RANBP2: variants seen among roughly 807,000 people sequenced by gnomAD.
RANBP2 encodes E3 SUMO-protein ligase RanBP2.
In RANBP2, 57 loss-of-function variants were observed where a neutral mutation model predicts 303.6. The ratio of observed to expected loss-of-function variants is 0.19; its 90% CI spans 0.15 to 0.23. The LOEUF (loss-of-function observed/expected upper bound fraction) is 0.23, where lower values mean the gene tolerates loss of function less well. Ranked by LOEUF, RANBP2 falls within the 10% of genes least tolerant of loss-of-function variation. The pLI, the probability that RANBP2 is intolerant of heterozygous loss-of-function variation, is 1.00. For synonymous variants in RANBP2, 1,167 were observed against 1,301.5 expected (o/e 0.90, Z 2.23); for missense variants, 3,138 against 3,780.8 (o/e 0.83, Z 4.46).
the RANBP2 span, among the ~76,000 whole-genome samples, chr2:108,984,690 G>GT: frequency 0.03 from 4,557 of 150,674 alleles, 207 homozygotes; most frequent in East Asian, 0.096. Flanking sequence ...TAGTTTGTTT[G>GT]TTTTTTTTTC....
chr2:109,500,391 G>GCACACCC, the RANBP2 span, among the ~76,000 whole-genome samples: 1 of 152,144 alleles, frequency 6.6e-6, no homozygotes, highest in Non-Finnish European at 1.5e-5. Context: ...CTGCCACGCA[G>GCACACCC]CACACCCCAT....
the RANBP2 span, among the ~76,000 whole-genome samples, chr2:108,903,699 C>A: frequency 1.3e-5 from 2 of 151,986 alleles, no homozygotes; most frequent in African/African-American, 4.8e-5. Context: ...CATCCATAGA[C>A]AAAAAAATGA....
the RANBP2 span, among the ~76,000 whole-genome samples, chr2:108,831,130 A>G: frequency 5.3e-5 from 8 of 152,000 alleles, no homozygotes; most frequent in African/African-American, 7.2e-5. Flanking sequence ...AGCCAAGATC[A>G]TGCTGCTTAC....
chr2:109,121,111 G>T, the RANBP2 span, among the ~76,000 whole-genome samples: 5 of 152,156 alleles, frequency 3.3e-5, no homozygotes, highest in South Asian at 6.2e-4. Context: ...AGCCGGACAA[G>T]GTGGCAGGCG....
At chr2:108,910,520 A>G in the RANBP2 span, 1 of 1,613,116 alleles carries the variant, frequency 6.2e-7, no homozygotes, top group Admixed American at 1.7e-5. Context: ...CTCGGAGAAC[A>G]TCACCACGTT....
At chr2:109,557,009 C>A in the RANBP2 span, among the ~76,000 whole-genome samples, 1 of 151,832 alleles carries the variant, frequency 6.6e-6, no homozygotes, top group African/African-American at 2.4e-5. Flanking sequence ...CATCACACAC[C>A]GGAGCCTGTT....
At chr2:109,625,251 C>T in the RANBP2 span, among the ~76,000 whole-genome samples, 1 of 151,976 alleles carries the variant, frequency 6.6e-6, no homozygotes, top group Non-Finnish European at 1.5e-5. Flanking sequence ...GTATTTGTTG[C>T]AGCATTGTTT....
chr2:108,888,420 T>G, the RANBP2 span, among the ~76,000 whole-genome samples: 1 of 152,146 alleles, frequency 6.6e-6, no homozygotes, highest in South Asian at 2.1e-4. Flanking sequence ...CTTCAATTTT[T>G]TGGAATAGTT....
chr2:109,072,684 A>G, the RANBP2 span, among the ~76,000 whole-genome samples: 188 of 152,328 alleles, frequency 1.2e-3, no homozygotes, highest in South Asian at 2.1e-3. Flanking sequence ...GACCTTTGCC[A>G]CAGCTCCCCT....
chr2:108,923,686 T>G, the RANBP2 span, among the ~76,000 whole-genome samples: 1 of 152,260 alleles, frequency 6.6e-6, no homozygotes, highest in Non-Finnish European at 1.5e-5. Context: ...TTTCTTTTGA[T>G]CTCAGCCCCT....
chr2:109,275,464 G>A, the RANBP2 span, among the ~76,000 whole-genome samples: 2 of 152,206 alleles, frequency 1.3e-5, no homozygotes, highest in African/African-American at 4.8e-5. Flanking sequence ...GGCCAAGGCA[G>A]CAGCTTAATC....
chr2:109,566,112 AATTT>A, the RANBP2 span, among the ~76,000 whole-genome samples: 4 of 151,838 alleles, frequency 2.6e-5, no homozygotes, highest in East Asian at 1.9e-4. Flanking sequence ...AAACAAAAAA[AATTT>A]ATTTATTTAT....
In RANBP2 at chr2:108,777,274, T is replaced by C. The variant is rs750629732; in HGVS notation, c.8599+43T>C. The C allele has an allele frequency of 5.2e-5, 80 of 1,525,846 alleles. 1 individual carries two copies. The highest frequency in any genetic ancestry group is 7.0e-5 in the Admixed American group (4 of 57,530). 94.5% of individuals were successfully genotyped at this position (1,525,846 alleles called of 1,614,324 possible). On this transcript the variant is annotated intron_variant, in intron 25 of 28. Coordinates refer to ENST00000283195, the MANE Select transcript of RANBP2 (RefSeq NM_006267.5). ...GACTTTTAATGACATTGTTACAGAA[T>C]CAAGCACAACTGAAAAACTAGTTTT...
At chr2:109,447,954 A>T in the RANBP2 span, among the ~76,000 whole-genome samples, 2 of 152,204 alleles carry the variant, frequency 1.3e-5, no homozygotes, top group Non-Finnish European at 2.9e-5. Flanking sequence ...CAGCAAATGC[A>T]GGCAGATGGC....
the RANBP2 span, among the ~76,000 whole-genome samples, chr2:109,186,929 A>G: frequency 7.2e-5 from 11 of 152,208 alleles, no homozygotes; most frequent in East Asian, 7.7e-4. Flanking sequence ...AGCGTGCTAG[A>G]ACTAATTGGA....
the RANBP2 span, chr2:108,798,340 T>G: frequency 6.9e-7 from 1 of 1,457,024 alleles, no homozygotes; most frequent in Non-Finnish European, 9.3e-7. Flanking sequence ...GAAAACCACT[T>G]GGTTAAACCA....
At chr2:109,290,760 G>A in the RANBP2 span, among the ~76,000 whole-genome samples, 12 of 152,174 alleles carry the variant, frequency 7.9e-5, no homozygotes, top group African/African-American at 2.9e-4. Flanking sequence ...TACCTTTCCT[G>A]GGCTCAGGAC....
At chr2:109,589,165 T>C in the RANBP2 span, among the ~76,000 whole-genome samples, 1 of 152,020 alleles carries the variant, frequency 6.6e-6, no homozygotes, top group Non-Finnish European at 1.5e-5. Flanking sequence ...TTTTTTGAGA[T>C]GGAGTCTCAC....
chr2:109,085,828 C>T, the RANBP2 span, among the ~76,000 whole-genome samples: 2 of 151,548 alleles, frequency 1.3e-5, no homozygotes, highest in Non-Finnish European at 2.9e-5. Context: ...TGGTTCTGAA[C>T]TCCTGGCCTC....
Sources: allele counts gnomAD v4.1 joint callset (sites outside exome capture counted in the v4.1 genomes callset), GRCh38; gene constraint gnomAD v4.1.1; transcripts MANE v1.5; gene names NCBI Gene and HGNC (gene_info 2026-07-23, HGNC 2026-07-21).